ANKS1B: variants seen among roughly 807,000 people sequenced by gnomAD.
The protein encoded by ANKS1B is ankyrin repeat and sterile alpha motif domain containing 1B, also known as ankyrin repeat and sterile alpha motif domain-containing protein 1B.
A neutral mutation model predicts 148.3 loss-of-function variants in ANKS1B; 36 were observed. The observed-to-expected ratio is 0.24, with a 90% CI of 0.19 to 0.32. The LOEUF (loss-of-function observed/expected upper bound fraction) is 0.32. ANKS1B is among the 10% of genes least tolerant of loss of function. The pLI, the probability that ANKS1B is intolerant of heterozygous loss-of-function variation, is 1.00. For missense variants in ANKS1B, 1,157 were observed against 1,542.6 expected (o/e 0.75, Z 4.19); for synonymous variants, 542 against 560.8 (o/e 0.97, Z 0.47).
intron 15 of ANKS1B, among the ~76,000 whole-genome samples, chr12:99,098,054 A>G (rs2056789220): frequency 1.3e-5 from 2 of 152,326 alleles, no homozygotes; most frequent in South Asian, 4.1e-4. Context: ...AATAACGGCT[A>G]TTCATTGAGA....
chr12:99,342,578 G>A (rs2090085959), intron 12 of ANKS1B, among the ~76,000 whole-genome samples: 1 of 152,028 alleles, frequency 6.6e-6, no homozygotes, highest in South Asian at 2.1e-4. Context: ...GAGATTCCAT[G>A]ATTCCAAAAG....
At chr12:99,404,987 A>G (rs2152629196) in intron 11 of ANKS1B, among the ~76,000 whole-genome samples, 1 of 146,550 alleles carries the variant, frequency 6.8e-6, no homozygotes, top group East Asian at 1.9e-4. Flanking sequence ...ATGCCAGGAA[A>G]GAGTGGCATG....
intron 9 of ANKS1B, among the ~76,000 whole-genome samples, chr12:99,567,348 G>T (rs1412465516): frequency 6.6e-6 from 1 of 152,060 alleles, no homozygotes. Flanking sequence ...AAATCCAACT[G>T]ACTGGGGGCC....
intron 15 of ANKS1B, among the ~76,000 whole-genome samples, chr12:99,134,471 T>A (rs2067193132): frequency 6.6e-6 from 1 of 151,944 alleles, no homozygotes; most frequent in Admixed American, 6.6e-5. Flanking sequence ...TCTGAGAGAA[T>A]GGAGATGGGA....
intron 1 of ANKS1B, among the ~76,000 whole-genome samples, chr12:99,829,754 T>C (rs1454006462): frequency 4.6e-5 from 7 of 152,062 alleles, no homozygotes; most frequent in Non-Finnish European, 1.0e-4. Context: ...TGCTTGAACC[T>C]GGGAGGCAGA....
chr12:99,619,960 T>G (rs2098025342), intron 9 of ANKS1B, among the ~76,000 whole-genome samples: 1 of 152,114 alleles, frequency 6.6e-6, no homozygotes, highest in Admixed American at 6.5e-5. Flanking sequence ...CTCCACACAT[T>G]CACCCATTGC....
chr12:99,005,272 G>T (rs1277041948), intron 17 of ANKS1B, among the ~76,000 whole-genome samples: 1 of 152,140 alleles, frequency 6.6e-6, no homozygotes, highest in African/African-American at 2.4e-5. Context: ...CGCTAGGAAG[G>T]GCGTCGCTGT....
At chr12:99,121,321 A>ATGTGTATGTGTGTGTGTGTG (rs1555270006) in intron 15 of ANKS1B, among the ~76,000 whole-genome samples, 16 of 142,754 alleles carry the variant, frequency 1.1e-4, no homozygotes, top group African/African-American at 4.2e-4. Flanking sequence ...GTATGTAGGT[A>ATGTGTATGTGTGTGTGTGTG]TGTGTGTGTG....
chr12:98,961,983 A>G (rs1281541875), intron 17 of ANKS1B, among the ~76,000 whole-genome samples: 5 of 152,054 alleles, frequency 3.3e-5, no homozygotes, highest in Non-Finnish European at 7.4e-5. Context: ...ACTAAAAGGA[A>G]GAAAGAAAGA....
At chr12:99,045,512 T>C (rs971285672) in intron 17 of ANKS1B, among the ~76,000 whole-genome samples, 1 of 152,190 alleles carries the variant, frequency 6.6e-6, no homozygotes, top group South Asian at 2.1e-4. Flanking sequence ...TGAAAATCAC[T>C]TGAGGAGCTT....
At chr12:99,461,901 C>A (rs1019528111) in intron 10 of ANKS1B, among the ~76,000 whole-genome samples, 2 of 152,182 alleles carry the variant, frequency 1.3e-5, no homozygotes, top group African/African-American at 2.4e-5. Flanking sequence ...ATACAATGTC[C>A]AATCACTTCC....
intron 17 of ANKS1B, among the ~76,000 whole-genome samples, chr12:98,956,078 C>G (rs1169479057): frequency 2.0e-5 from 3 of 152,164 alleles, no homozygotes; most frequent in Non-Finnish European, 2.9e-5. Context: ...TTCTCTAGAG[C>G]CACACCATGT....
At chr12:98,895,098 G>C in intron 17 of ANKS1B, 1 of 981,750 alleles carries the variant, frequency 1.0e-6, no homozygotes, top group Non-Finnish European at 1.2e-6. Flanking sequence ...CGAGGCGGGG[G>C]GGAGGTGTCG....
At chr12:99,424,965 G>A (rs536372846) in intron 11 of ANKS1B, among the ~76,000 whole-genome samples, 28 of 152,046 alleles carry the variant, frequency 1.8e-4, no homozygotes, top group East Asian at 7.7e-4. Flanking sequence ...GTAACCAGCC[G>A]TTTCTGAACC....
At chr12:99,562,076 T>G (rs975821082) in intron 9 of ANKS1B, among the ~76,000 whole-genome samples, 4 of 152,314 alleles carry the variant, frequency 2.6e-5, no homozygotes, top group Admixed American at 1.3e-4. Flanking sequence ...CTTGTACATT[T>G]CCATCAGCAA....
chr12:99,958,511 T>G (rs2095357369), intron 1 of ANKS1B, among the ~76,000 whole-genome samples: 1 of 152,040 alleles, frequency 6.6e-6, no homozygotes, highest in Non-Finnish European at 1.5e-5. Flanking sequence ...GCCCCCCAAG[T>G]AGCTGGGACT....
At chr12:99,755,177 G>A (rs200946250) in intron 8 of ANKS1B, among the ~76,000 whole-genome samples, 165 of 48,974 alleles carry the variant, frequency 3.4e-3, no homozygotes, top group East Asian at 0.014. Flanking sequence ...ATATTACCCC[G>A]ACCCCATAGA....
chr12:99,559,300 A>G (rs911128124), intron 9 of ANKS1B, among the ~76,000 whole-genome samples: 1 of 152,176 alleles, frequency 6.6e-6, no homozygotes, highest in Non-Finnish European at 1.5e-5. Context: ...TCAGGCTCAA[A>G]GGCTTAGATT....
intron 14 of ANKS1B, among the ~76,000 whole-genome samples, chr12:99,186,676 C>G (rs1234157500): frequency 6.6e-6 from 1 of 152,130 alleles, no homozygotes; most frequent in Non-Finnish European, 1.5e-5. Context: ...AACTAACAAA[C>G]AGAAAGGAAT....
Sources: allele counts gnomAD v4.1 joint callset (sites outside exome capture counted in the v4.1 genomes callset), GRCh38; gene constraint gnomAD v4.1.1; transcripts MANE v1.5; gene names NCBI Gene and HGNC (gene_info 2026-07-23, HGNC 2026-07-21).